Variants in ATP6V1B2 observed in about 807,000 individuals in gnomAD.
ATP6V1B2 encodes the protein V-type proton ATPase subunit B, brain isoform.
In ATP6V1B2, 23 loss-of-function variants were observed where a neutral mutation model predicts 66.7. The observed-to-expected ratio is 0.34, with a 90% CI of 0.25 to 0.49. ATP6V1B2 has a LOEUF of 0.49. ATP6V1B2 is among the 20% of genes least tolerant of loss of function. The pLI is 0.99. For synonymous variants in ATP6V1B2, 278 were observed against 236.7 expected (o/e 1.17, Z -1.60); for missense variants, 478 against 650.8 (o/e 0.73, Z 2.89).
intron 9 of ATP6V1B2, chr8:20,213,547 G>A (rs551055014): frequency 6.5e-6 from 1 of 152,848 alleles, no homozygotes; most frequent in African/African-American, 2.4e-5. Context: ...AGTTGCTCAG[G>A]AGGCTGAGGT....
In ATP6V1B2 at chr8:20,214,957, T is replaced by A; in HGVS notation, c.1067T>A (p.Met356Lys). ...GSITQIPILT[M>K]PNDDITHPIP... ...ATTACTCAAATCCCTATTCTAACCATGCCTAATGATGGTAAGTTTTGGTAT... is the reference window on the plus strand; with the variant it reads ...ATTACTCAAATCCCTATTCTAACCAAGCCTAATGATGGTAAGTTTTGGTAT... The change falls in exon 10 of 14, where the codon ATG (methionine) becomes AAG (lysine). Residue 356 changes from methionine (M) to lysine (K), a missense_variant. Physicochemically the swap from Met to Lys is moderately conservative, Grantham distance 95 (BLOSUM62 -1). Around this residue, in one of 2 missense-constraint regions of ATP6V1B2, gnomAD observed 326 missense variants for 545.6 expected, o/e 0.60. Coordinates refer to ENST00000276390, the MANE Select transcript of ATP6V1B2 (RefSeq NM_001693.4). The A allele has an allele frequency of 6.2e-7, 1 of 1,613,066 alleles. No homozygotes were observed. The highest frequency in any genetic ancestry group is 8.5e-7 in the Non-Finnish European group (1 of 1,179,410).
intron 11 of ATP6V1B2, chr8:20,216,717 A>G (rs1446768619): frequency 2.6e-6 from 1 of 391,010 alleles, no homozygotes; most frequent in Admixed American, 4.2e-5. Flanking sequence ...GTGTCTTAAA[A>G]CAGAGTCACT....
At chr8:20,209,131 T>C (rs1240934329) in intron 2 of ATP6V1B2, among the ~76,000 whole-genome samples, 2 of 152,230 alleles carry the variant, frequency 1.3e-5, no homozygotes, top group African/African-American at 4.8e-5. Flanking sequence ...TGTACTTTTC[T>C]GTAGCCTCAA....
At chr8:20,210,730 T>G in intron 5 of ATP6V1B2, 84 bp downstream of exon 5, 1 of 1,175,392 alleles carries the variant, frequency 8.5e-7, no homozygotes, top group African/African-American at 1.5e-5. Flanking sequence ...GAGTGTTTTT[T>G]GTGATATCAC....
intron 7 of ATP6V1B2, 49 bp downstream of exon 7, chr8:20,211,802 C>T (rs771485223): frequency 1.8e-5 from 25 of 1,418,938 alleles, no homozygotes; most frequent in South Asian, 8.5e-5. Context: ...TTGCTTGTGT[C>T]GTGAGAACAT....
chr8:20,202,539 A>G (rs966760400), intron 1 of ATP6V1B2, among the ~76,000 whole-genome samples: 23 of 152,352 alleles, frequency 1.5e-4, no homozygotes, highest in Admixed American at 1.1e-3. Context: ...ATGAAGTAGA[A>G]TCTTGTCTTC....
At chr8:20,211,796 T>C (rs1201527833) in intron 7 of ATP6V1B2, 43 bp downstream of exon 7, 1 of 1,495,144 alleles carries the variant, frequency 6.7e-7, no homozygotes, top group Non-Finnish European at 9.2e-7. Flanking sequence ...AAAATTTTGC[T>C]TGTGTCGTGA....
intron 2 of ATP6V1B2, among the ~76,000 whole-genome samples, chr8:20,204,897 A>G (rs2072722448): frequency 6.6e-6 from 1 of 152,130 alleles, no homozygotes; most frequent in Non-Finnish European, 1.5e-5. Context: ...GGAAGTAGAA[A>G]ATACATTGAG....
chr8:20,209,825 C>T (rs1431234383), intron 3 of ATP6V1B2, among the ~76,000 whole-genome samples: 1 of 152,040 alleles, frequency 6.6e-6, no homozygotes, highest in Non-Finnish European at 1.5e-5. Flanking sequence ...GGATATCTGT[C>T]TGAGTTTCTT....
chr8:20,212,239 G>T (rs756043862), intron 8 of ATP6V1B2, 40 bp downstream of exon 8: 1 of 1,585,312 alleles, frequency 6.3e-7, no homozygotes, highest in Non-Finnish European at 8.7e-7. Context: ...CCCAGACTCG[G>T]GATCAAAAGT....
intron 3 of ATP6V1B2, 81 bp downstream of exon 3, chr8:20,209,612 A>G: frequency 7.7e-7 from 1 of 1,292,336 alleles, no homozygotes; most frequent in Non-Finnish European, 1.1e-6. Flanking sequence ...TGTGATGATC[A>G]TTGCATAAGT....
At chr8:20,216,770 T>C (rs544314986) in intron 11 of ATP6V1B2, 1 of 310,168 alleles carries the variant, frequency 3.2e-6, no homozygotes, top group East Asian at 5.6e-5. Flanking sequence ...CATAATGGTA[T>C]CATCTACCAA....
In ATP6V1B2 at chr8:20,210,402, G is replaced by A. The variant is rs1585250414; in HGVS notation, c.348G>A (p.Gly116=). 1.2e-6 allele frequency: 2 copies of A among 1,613,558 alleles called. No individual in the cohort carries two copies. The highest frequency in any genetic ancestry group is 1.7e-6 in the Non-Finnish European group (2 of 1,179,678). ...DAKKTSCEFT[G]DILRTPVSED... is the part of the protein sequence containing the mutation. ...AGAAAACGTCCTGTGAGTTTACTGGGGATATTCTCCGAACACCGGTGTCTG... is the reference window on the plus strand; with the variant it reads ...AGAAAACGTCCTGTGAGTTTACTGGAGATATTCTCCGAACACCGGTGTCTG... The change falls in exon 4 of 14, where the codon GGG becomes GGA. Residue 116 remains glycine, a synonymous_variant. Coordinates refer to ENST00000276390, the MANE Select transcript of ATP6V1B2 (RefSeq NM_001693.4).
intron 1 of ATP6V1B2, among the ~76,000 whole-genome samples, chr8:20,203,782 T>C (rs1237636171): frequency 6.6e-6 from 1 of 152,180 alleles, no homozygotes; most frequent in African/African-American, 2.4e-5. Context: ...TAGGGCGCAC[T>C]TTGCAGTGGA....
At chr8:20,209,408 T>C in intron 2 of ATP6V1B2, 25 bp from the exon 3 acceptor site, 1 of 1,605,820 alleles carries the variant, frequency 6.2e-7, no homozygotes, top group Non-Finnish European at 8.5e-7. Flanking sequence ...TGTCGGATAT[T>C]GATCCTTTAT....
At chr8:20,199,277 G>C (rs570630117) in intron 1 of ATP6V1B2, among the ~76,000 whole-genome samples, 1 of 152,292 alleles carries the variant, frequency 6.6e-6, no homozygotes, top group Non-Finnish European at 1.5e-5. Context: ...AGATGTCAGG[G>C]ATCCTTTTTA....
At chr8:20,217,452 G>A in intron 12 of ATP6V1B2, 128 bp downstream of exon 12, 1 of 780,716 alleles carries the variant, frequency 1.3e-6, no homozygotes, top group Admixed American at 2.1e-5. Context: ...TAGGCTTGAT[G>A]TGGAATACAT....
chr8:20,211,651 G>T lies in ATP6V1B2; in HGVS notation c.604-1G>T. 1 of 1,605,066 alleles carries T rather than the reference G, an allele frequency of 6.2e-7. No individual in the cohort carries two copies. Among genetic ancestry groups the T allele is most frequent in the Non-Finnish European group, 8.5e-7 (1 of 1,177,722 alleles). On this transcript the variant is annotated splice_acceptor_variant, in intron 6 of 13. Transcript: ENST00000276390. LOFTEE classifies it high-confidence loss of function. ...CTGAATTCTTCTACTTTGTTCATCA[G>T]ATTGCAGCTCAGATCTGTCGCCAGG...
chr8:20,208,709 C>CTT (rs201825705), intron 2 of ATP6V1B2, among the ~76,000 whole-genome samples: 2,519 of 134,076 alleles, frequency 0.019, 82 homozygotes, highest in African/African-American at 0.063. Flanking sequence ...TAGTAACTTT[C>CTT]TTTTTTTTTT....
Sources: allele counts gnomAD v4.1 joint callset (sites outside exome capture counted in the v4.1 genomes callset), GRCh38; gene constraint gnomAD v4.1.1; regional missense constraint gnomAD v4.1.1; transcripts MANE v1.5; gene names NCBI Gene and HGNC (gene_info 2026-07-23, HGNC 2026-07-21).